The following DGKG variants were observed in gnomAD, a reference collection of about 807,000 sequenced individuals.
DGKG encodes diacylglycerol kinase gamma.
Under a neutral mutation model 105.3 loss-of-function variants are expected in DGKG, and 78 were observed. The ratio of observed to expected loss-of-function variants is 0.74; its 90% CI spans 0.62 to 0.89. The LOEUF (loss-of-function observed/expected upper bound fraction) is 0.89. DGKG is among the 40% of genes least tolerant of loss of function. The probability of loss-of-function intolerance (pLI) is 0.00; values close to 1 mark genes in which losing one functional copy is unlikely to be tolerated. For missense variants in DGKG, 958 were observed against 1,020.1 expected (o/e 0.94, Z 0.83); for synonymous variants, 346 against 367.1 (o/e 0.94, Z 0.66).
At chr3:186,268,599 G>A (rs564000351) in intron 12 of DGKG, among the ~76,000 whole-genome samples, 9 of 152,334 alleles carry the variant, frequency 5.9e-5, no homozygotes, top group East Asian at 3.9e-4. Flanking sequence ...CCCCTGGTTC[G>A]GGGGTGCCCT....
chr3:186,294,536 CAA>C (rs10574886), intron 5 of DGKG, among the ~76,000 whole-genome samples: 2,467 of 106,784 alleles, frequency 0.023, 50 homozygotes, highest in African/African-American at 0.063. Flanking sequence ...AACTCTGTCT[CAA>C]AAAAAAAAAA....
intron 13 of DGKG, 57 bp downstream of exon 13, chr3:186,267,628 A>G (rs747279142): frequency 3.6e-6 from 5 of 1,370,666 alleles, no homozygotes; most frequent in Non-Finnish European, 5.2e-6. Flanking sequence ...AAAGCTGCCT[A>G]CATCTGAAAC....
chr3:186,231,638 G>C lies in DGKG; in HGVS notation c.1826+10866C>G, dbSNP rs1438349841. On this transcript the variant is annotated intron_variant, in intron 20 of 24. Coordinates refer to ENST00000265022, the MANE Select transcript of DGKG (RefSeq NM_001346.3). This position sits in a 1 kb window ranked among gnomAD's most constrained non-coding sequence, Gnocchi z 4.5. ...ATTCATGCTTTAAAAACTATACTAG[G>C]CCAGGTGTGGTCACTCACGCCTGTA... Among the ~76,000 whole-genome samples the C allele has an allele frequency of 6.6e-6, 1 of 152,090 alleles. No homozygotes were observed. The highest frequency in any genetic ancestry group is 1.5e-5 in the Non-Finnish European group (1 of 68,024).
chr3:186,149,142 C>G lies in DGKG; in HGVS notation c.*948G>C. The G allele has an allele frequency of 5.1e-6, 5 of 985,110 alleles. No individual in the cohort carries two copies. The highest frequency in any genetic ancestry group is 4.8e-6 in the Non-Finnish European group (4 of 829,786). The allele number at this position is 985,110 out of a possible 1,614,324, so 61.0% of individuals were successfully genotyped here. ...TTTCCCCAGCAAAGTTCCTTCCTTC[C>G]CATCTTTTCTGCCTTCAGGAATAGT... On this transcript the variant is annotated 3_prime_UTR_variant, in exon 25 of 25. Coordinates refer to ENST00000265022, the MANE Select transcript of DGKG (RefSeq NM_001346.3).
intron 2 of DGKG, among the ~76,000 whole-genome samples, chr3:186,316,603 T>C (rs1724830402): frequency 1.3e-5 from 2 of 152,228 alleles, no homozygotes; most frequent in Non-Finnish European, 2.9e-5. Context: ...TATGTGTGTG[T>C]GTCTGTGTGT....
chr3:186,207,866 T>C (rs897992280), intron 21 of DGKG, among the ~76,000 whole-genome samples: 5 of 152,204 alleles, frequency 3.3e-5, no homozygotes, highest in African/African-American at 1.2e-4. Context: ...AAGCGCCATA[T>C]TGAACAGCTT....
chr3:186,275,038 T>C (rs910916960), intron 10 of DGKG, among the ~76,000 whole-genome samples: 1 of 152,116 alleles, frequency 6.6e-6, no homozygotes, highest in Non-Finnish European at 1.5e-5. Flanking sequence ...TCCACATCCT[T>C]TCCAGCACCT....
At chr3:186,170,211 A>G (rs1022360047) in intron 22 of DGKG, among the ~76,000 whole-genome samples, 6 of 152,236 alleles carry the variant, frequency 3.9e-5, no homozygotes, top group Admixed American at 1.3e-4. Flanking sequence ...ATGTGTGAGC[A>G]TAGGAGCTAG....
At chr3:186,250,122 G>A (rs1258593691) in intron 19 of DGKG, among the ~76,000 whole-genome samples, 1 of 152,118 alleles carries the variant, frequency 6.6e-6, no homozygotes, top group Admixed American at 6.5e-5. Context: ...CGAGTCAAGG[G>A]TCTCGAAGCC....
In DGKG at chr3:186,306,256, G is replaced by A. The variant is rs781178491; in HGVS notation, c.144+645C>T. ...GTAAAACACAGGAGGGAAATGAGGTGGTACCTAGAGGAGGAAGTGGAGTCA... is the reference window on the plus strand; with the variant it reads ...GTAAAACACAGGAGGGAAATGAGGTAGTACCTAGAGGAGGAAGTGGAGTCA... On this transcript the variant is annotated intron_variant, in intron 3 of 24. Coordinates refer to ENST00000265022, the MANE Select transcript of DGKG (RefSeq NM_001346.3). Among the ~76,000 whole-genome samples, 11 of 152,088 alleles carry A rather than the reference G, an allele frequency of 7.2e-5. 1 individual carries two copies. The highest frequency in any genetic ancestry group is 6.2e-4 in the South Asian group (3 of 4,806).
chr3:186,345,882 C>T (rs1248847240), intron 1 of DGKG, among the ~76,000 whole-genome samples: 2 of 152,190 alleles, frequency 1.3e-5, no homozygotes, highest in African/African-American at 4.8e-5. Context: ...CAATTCTCTG[C>T]CTCAGCCTCC....
At chr3:186,246,924 T>C (rs1460536126) in intron 19 of DGKG, among the ~76,000 whole-genome samples, 1 of 152,214 alleles carries the variant, frequency 6.6e-6, no homozygotes, top group Non-Finnish European at 1.5e-5. Context: ...TCACCCGTCC[T>C]GTTAAGGCTC....
Position 186,272,250 on chromosome 3 carries a change from C to G in DGKG, c.999+5G>C, listed in dbSNP as rs760562673. On this transcript the variant is annotated splice_donor_5th_base_variant and intron_variant, in intron 11 of 24. Transcript: ENST00000265022. ...CAGTAGAACAAGGCAGTAGATGTCA[C>G]CAACCTCACCACTCCTTTTGGCTTT... is the stretch of plus-strand genomic sequence containing the variant. The G allele has an allele frequency of 5.5e-5, 88 of 1,611,148 alleles. No individual in the cohort carries two copies. Among genetic ancestry groups the G allele is most frequent in the Non-Finnish European group, 7.2e-5 (85 of 1,177,492 alleles).
rs376969018 is a variant in DGKG, at chr3:186,290,449, G to T, written c.374-1569C>A. 3.7e-4 allele frequency among the ~76,000 whole-genome samples: 57 copies of T among 152,266 alleles called. No individual in the cohort carries two copies. The South Asian group carries it at 0.011, about 30-fold the overall frequency. On this transcript the variant is annotated intron_variant, in intron 5 of 24. Transcript: ENST00000265022. Reference sequence around the variant, plus strand: ...AAACTCTATCAGTGACTTCTACCTTGACTAAAATGGGCTAACAGAGACCAG... The same window carrying T: ...AAACTCTATCAGTGACTTCTACCTTTACTAAAATGGGCTAACAGAGACCAG...
intron 1 of DGKG, among the ~76,000 whole-genome samples, chr3:186,337,260 T>C (rs556633679): frequency 2.0e-5 from 3 of 151,910 alleles, no homozygotes; most frequent in South Asian, 4.2e-4. Context: ...AAAAGAACAA[T>C]AAACAGTTTA....
intron 2 of DGKG, among the ~76,000 whole-genome samples, chr3:186,312,094 GC>G (rs1724577883): frequency 9.8e-6 from 1 of 102,190 alleles, no homozygotes; most frequent in Non-Finnish European, 1.6e-5. Flanking sequence ...CCGCAGTCCG[GC>G]CTGGGCGACA....
intron 19 of DGKG, among the ~76,000 whole-genome samples, chr3:186,248,140 T>C (rs988437125): frequency 6.6e-6 from 1 of 152,230 alleles, no homozygotes; most frequent in Non-Finnish European, 1.5e-5. Flanking sequence ...TTCCTCTTTG[T>C]GTGTTCATCC....
intron 5 of DGKG, among the ~76,000 whole-genome samples, chr3:186,297,068 T>TCTCTCTCACACACACA (rs1452573661): frequency 7.7e-6 from 1 of 130,420 alleles, no homozygotes; most frequent in South Asian, 2.8e-4. Flanking sequence ...TCTGTCTCTC[T>TCTCTCTCACACACACA]CACACACACA....
At chr3:186,337,369 GA>G (rs1166370068) in intron 1 of DGKG, among the ~76,000 whole-genome samples, 3 of 151,582 alleles carry the variant, frequency 2.0e-5, no homozygotes, top group African/African-American at 4.8e-5. Context: ...AATATATGTA[GA>G]AAAAAATTAA....
Sources: gnomAD v4.1 joint callset for allele counts (sites outside exome capture counted in the v4.1 genomes callset) on GRCh38, gnomAD v4.1.1 for gene constraint, Gnocchi (gnomAD v3.1) non-coding constraint, MANE v1.5 for transcripts, NCBI Gene and HGNC (gene_info 2026-07-23, HGNC 2026-07-21) for gene names.